Variants in PEAR1 observed in about 807,000 individuals in gnomAD.
PEAR1 encodes the protein platelet endothelial aggregation receptor 1, also known as multiple EGF-like domains protein 12.
Under a neutral mutation model 131.2 loss-of-function variants are expected in PEAR1, and 113 were observed. That is an observed-to-expected ratio of 0.86 (90% CI 0.74 to 1.01). The LOEUF is 1.01. PEAR1 is among the 50% of genes least tolerant of loss of function. The pLI is 0.00. For synonymous variants in PEAR1, 565 were observed against 523.3 expected, an observed-to-expected ratio of 1.08 and a Z score of -1.09; for missense variants, 1,408 against 1,391.1, an observed-to-expected ratio of 1.01 and a Z score of -0.19.
At chr1:156,912,724 A>G (rs1168391848) in intron 17 of PEAR1, 46 bp from the exon 18 acceptor site, 1 of 1,612,814 alleles carries the variant, frequency 6.2e-7, no homozygotes, top group Non-Finnish European at 8.5e-7. Context: ...TCTCCCATGC[A>G]GCAGAGCCAA....
intron 1 of PEAR1, among the ~76,000 whole-genome samples, chr1:156,898,671 A>G (rs1323219059): frequency 6.6e-6 from 1 of 152,208 alleles, no homozygotes; most frequent in Admixed American, 6.5e-5. Context: ...GCCACAGAGA[A>G]ACAGACACAG....
At chr1:156,903,463 G>C (rs1028537350) in intron 1 of PEAR1, among the ~76,000 whole-genome samples, 2 of 152,170 alleles carry the variant, frequency 1.3e-5, no homozygotes, top group African/African-American at 4.8e-5. Context: ...AGTGCCCTGG[G>C]TAGGGCCTGG....
In PEAR1 at chr1:156,913,263, A is replaced by T. The variant is rs1019724694; in HGVS notation, c.2492A>T (p.Asn831Ile). 1 of 1,606,988 alleles carries T rather than the reference A, an allele frequency of 6.2e-7. No homozygotes were observed. Reference protein sequence around the residue: ...SYHTLSQCSPNPPPPNKVPGP... With the variant: ...SYHTLSQCSPIPPPPNKVPGP... ...CACACCCTGTCGCAGTGCTCCCCAAACCCCCCACCCCCTAACAAGGTCAGT... is the reference window on the plus strand; with the variant it reads ...CACACCCTGTCGCAGTGCTCCCCAATCCCCCCACCCCCTAACAAGGTCAGT... Residue 831 changes from asparagine to isoleucine, a missense_variant, in exon 19 of 23, where the codon AAC becomes ATC. By Grantham distance (149) the Asn-to-Ile change is moderately radical. Coordinates refer to ENST00000292357, the MANE Select transcript of PEAR1 (RefSeq NM_001080471.3).
chr1:156,907,995 C>A lies in PEAR1; in HGVS notation c.846C>A (p.Gly282=). Residue 282 remains glycine (G), a synonymous_variant, in exon 8 of 23, where the codon GGC becomes GGA. Transcript: ENST00000292357. ...AGGAATGTCGCTGCCACAACGGCGG[C>A]CTCTGTGACCGATTCACTGGGCAGT... is the stretch of plus-strand genomic sequence containing the variant. The part of the protein sequence containing the change: ...CSQECRCHNG[G]LCDRFTGQCR... 6.4e-7 allele frequency: 1 copy of A among 1,574,560 alleles called. No individual in the cohort carries two copies. Among genetic ancestry groups the A allele is most frequent in the East Asian group, 2.3e-5 (1 of 42,718 alleles).
In PEAR1 at chr1:156,896,132, C is replaced by T. The variant is rs74116906; in HGVS notation, c.-10+2295C>T. ...AGGCTTTGGAATGACATAGACCTGGCCCAAATCCCTGCTCCGGCTTCAGTT... is the reference window on the plus strand; with the variant it reads ...AGGCTTTGGAATGACATAGACCTGGTCCAAATCCCTGCTCCGGCTTCAGTT... On this transcript the variant is annotated intron_variant, in intron 1 of 22. Coordinates refer to ENST00000292357, the MANE Select transcript of PEAR1 (RefSeq NM_001080471.3). Among the ~76,000 whole-genome samples the T allele has an allele frequency of 6.6e-3, 998 of 152,316 alleles. 10 individuals are homozygous for T. The highest frequency in any genetic ancestry group is 0.023 in the African/African-American group (959 of 41,540).
intron 11 of PEAR1, 26 bp downstream of exon 11, chr1:156,909,062 G>T (rs377732307): frequency 6.2e-7 from 1 of 1,613,094 alleles, no homozygotes. Context: ...TTCCCAGAGA[G>T]AAGACTTGGG....
At position 156,912,553 on chromosome 1, in the gene PEAR1, G is replaced by A; in HGVS notation, c.2140G>A (p.Glu714Lys). ...CSQPCQCGPG[E>K]KCHPETGACV... The stretch of plus-strand genomic sequence containing the variant: ...CCAGCCATGCCAGTGTGGTCCTGGA[G>A]AAAAGTGCCACCCAGAGACTGGGGC... The change falls in exon 17 of 23, where the codon GAA (glutamate) becomes AAA (lysine). Residue 714 changes from glutamate to lysine, a missense_variant. Transcript: ENST00000292357. The A allele has an allele frequency of 1.2e-6, 2 of 1,614,112 alleles. No homozygotes were observed. The highest frequency in any genetic ancestry group is 8.5e-7 in the Non-Finnish European group (1 of 1,180,034).
At chr1:156,906,550 G>A in intron 5 of PEAR1, 87 bp from the exon 6 acceptor site, 1 of 1,576,838 alleles carries the variant, frequency 6.3e-7, no homozygotes, top group South Asian at 1.2e-5. Context: ...TGTGGGGGCT[G>A]GGAGACAGAG....
chr1:156,905,028 G>A, intron 3 of PEAR1, 176 bp downstream of exon 3: 1 of 1,543,730 alleles, frequency 6.5e-7, no homozygotes, highest in Non-Finnish European at 8.8e-7. Context: ...ATATGTGAAT[G>A]CGTGTATGTG....
Position 156,913,947 on chromosome 1 carries a change from G to T in PEAR1, c.2809G>T (p.Gly937Cys), listed in dbSNP as rs149432810. 805 of 1,614,062 alleles carry T rather than the reference G, an allele frequency of 5.0e-4. 1 individual carries two copies. Among genetic ancestry groups the T allele is most frequent in the Middle Eastern group, 1.5e-3 (9 of 6,062 alleles). Residue 937 changes from glycine (G) to cysteine (C), a missense_variant, in exon 22 of 23, where the codon GGC becomes TGC. Gly to Cys is a radical substitution (Grantham distance 159). Coordinates refer to ENST00000292357, the MANE Select transcript of PEAR1 (RefSeq NM_001080471.3). ...TIRDLPSLPG[G>C]PRESSYMEMK... ...CCGGGACCTGCCCAGCTTGCCAGGG[G>T]GCCCCCGGGAGAGCAGCTACATGGA...
In PEAR1 at chr1:156,904,780, G is replaced by A. The variant is rs761777980; in HGVS notation, c.134G>A (p.Arg45His). ...ACCACCACCAAGGAGTCCCACTCCC[G>A]CCCCTTCAGCCTGCTCCCCTCAGAG... ...FTTTTKESHS[R>H]PFSLLPSEPC... Residue 45 changes from arginine to histidine, a missense_variant, in exon 3 of 23, where the codon CGC becomes CAC. Transcript: ENST00000292357. 1.1e-5 allele frequency: 17 copies of A among 1,613,220 alleles called. No homozygotes were observed. The highest frequency in any genetic ancestry group is 4.5e-5 in the East Asian group (2 of 44,868).
At chr1:156,910,794 C>A in intron 15 of PEAR1, 51 bp downstream of exon 15, 5 of 1,605,570 alleles carry the variant, frequency 3.1e-6, no homozygotes, top group Non-Finnish European at 4.3e-6. Context: ...AGAGGGGGTG[C>A]TGAGGACGGG....
chr1:156,912,178 C>CT, intron 15 of PEAR1, 69 bp from the exon 16 acceptor site: 1 of 1,540,464 alleles, frequency 6.5e-7, no homozygotes. Flanking sequence ...TTCAGTGATG[C>CT]TGGGGGCTGA....
rs1486635983 is a variant in PEAR1, at chr1:156,907,893, T to A, written c.766-22T>A. Reference sequence around the variant, plus strand: ...GGAGGAGGCTGGGTGCCTGGGGCCCTGTTGACCTCTTATCCCCACAGGGCA... The same window carrying A: ...GGAGGAGGCTGGGTGCCTGGGGCCCAGTTGACCTCTTATCCCCACAGGGCA... On this transcript the variant is annotated intron_variant, in intron 7 of 22. Transcript: ENST00000292357. 3 of 1,595,910 alleles carry A rather than the reference T, an allele frequency of 1.9e-6. No individual in the cohort carries two copies. In the South Asian group the frequency reaches 3.3e-5, roughly 18 times the overall value.
chr1:156,912,764 A>G lies in PEAR1; in HGVS notation c.2210-6A>G, dbSNP rs1264034398. 1.2e-6 allele frequency: 2 copies of G among 1,614,002 alleles called. No homozygotes were observed. Among genetic ancestry groups the G allele is most frequent in the South Asian group, 1.1e-5 (1 of 91,088 alleles). ...CCATTCTGAGTGAGCACCCCATTCC[A>G]CACAGGAATCCAGGAGCCCTTTACT... On this transcript the variant is annotated splice_polypyrimidine_tract_variant and splice_region_variant and intron_variant, in intron 17 of 22. Coordinates refer to ENST00000292357, the MANE Select transcript of PEAR1 (RefSeq NM_001080471.3).
At chr1:156,899,986 C>A (rs1649524902) in intron 1 of PEAR1, among the ~76,000 whole-genome samples, 1 of 152,126 alleles carries the variant, frequency 6.6e-6, no homozygotes, top group South Asian at 2.1e-4. Context: ...TCTAATCCCC[C>A]CCACCCCTGC....
At chr1:156,905,551 C>T in intron 4 of PEAR1, 127 bp downstream of exon 4, 1 of 744,952 alleles carries the variant, frequency 1.3e-6, no homozygotes, top group Non-Finnish European at 2.1e-6. Flanking sequence ...GGGTTCCCCC[C>T]TCCTCTCCTC....
intron 19 of PEAR1, 40 bp from the exon 20 acceptor site, chr1:156,913,351 C>A: frequency 6.2e-7 from 1 of 1,606,698 alleles, no homozygotes. Context: ...AAAGCCCTGT[C>A]CTTGCCTCTT....
rs1343762539 is a variant in PEAR1, at chr1:156,914,069, C to T, written c.2931C>T (p.Gly977=). 5.0e-6 allele frequency: 8 copies of T among 1,604,740 alleles called. No homozygotes were observed. The East Asian group carries it at 1.6e-4, about 32-fold the overall frequency. ...RRQPQPQRDS[G]TYEQPSPLIH... ...AACCCCAGCCACAGAGAGACAGTGG[C>T]ACCTACGAGCAGCCCAGCCCCCTGA... The change falls in exon 22 of 23, where the codon GGC becomes GGT. Residue 977 remains glycine, a synonymous_variant. Coordinates refer to ENST00000292357, the MANE Select transcript of PEAR1 (RefSeq NM_001080471.3).
Sources: gnomAD v4.1 joint callset for allele counts (sites outside exome capture counted in the v4.1 genomes callset) on GRCh38, gnomAD v4.1.1 for gene constraint, MANE v1.5 for transcripts, NCBI Gene and HGNC (gene_info 2026-07-23, HGNC 2026-07-21) for gene names.